The following CCDC91 variants were observed in gnomAD, a reference collection of about 807,000 sequenced individuals.
CCDC91 encodes coiled-coil domain containing 91, also known as coiled-coil domain-containing protein 91.
A neutral mutation model predicts 63.2 loss-of-function variants in CCDC91; 48 were observed. The ratio of observed to expected loss-of-function variants is 0.76; its 90% confidence interval spans 0.60 to 0.97. CCDC91 has a LOEUF of 0.97. Among genes scored for constraint, CCDC91 ranks in the 50% least tolerant of loss-of-function variants. The probability of loss-of-function intolerance (pLI) is 0.00; values close to 1 mark genes in which losing one functional copy is unlikely to be tolerated. For missense variants in CCDC91, 500 were observed against 494.6 expected (o/e 1.01, Z -0.10); for synonymous variants, 167 against 165.8 (o/e 1.01, Z -0.06).
chr12:28,271,057 T>C (rs1012576931), intron 3 of CCDC91, among the ~76,000 whole-genome samples: 1 of 152,036 alleles, frequency 6.6e-6, no homozygotes, highest in Admixed American at 6.6e-5. Flanking sequence ...CAGCATAGCG[T>C]GTAATAAAGG....
intron 12 of CCDC91, among the ~76,000 whole-genome samples, chr12:28,516,922 TGGAGG>T (rs1940013266): frequency 6.6e-6 from 1 of 151,990 alleles, no homozygotes; most frequent in Admixed American, 6.6e-5. Context: ...ACTTGACTTT[TGGAGG>T]GGATATTCAA....
At chr12:28,320,047 C>T (rs186602126) in intron 6 of CCDC91, among the ~76,000 whole-genome samples, 9 of 151,964 alleles carry the variant, frequency 5.9e-5, no homozygotes, top group Admixed American at 5.9e-4. Context: ...CTCTTTTGAT[C>T]TACGCTAATA....
intron 3 of CCDC91, among the ~76,000 whole-genome samples, chr12:28,291,223 T>A (rs1483880742): frequency 6.6e-6 from 1 of 152,230 alleles, no homozygotes; most frequent in Non-Finnish European, 1.5e-5. Context: ...TGCACCCTGC[T>A]GGTTGTGGAA....
chr12:28,424,611 A>G (rs1948203664), intron 8 of CCDC91, among the ~76,000 whole-genome samples: 1 of 152,028 alleles, frequency 6.6e-6, no homozygotes, highest in Non-Finnish European at 1.5e-5. Flanking sequence ...ATTGAAGTTC[A>G]TCTGTTTTTC....
At chr12:28,428,573 C>CAAAAAAAAAAAAA (rs1438921507) in intron 8 of CCDC91, among the ~76,000 whole-genome samples, 2 of 65,248 alleles carry the variant, frequency 3.1e-5, no homozygotes, top group Non-Finnish European at 4.8e-5. Context: ...CCGTCTCTCC[C>CAAAAAAAAAAAAA]CAAAAAAAAA....
At chr12:28,447,402 T>G (rs1940812327) in intron 8 of CCDC91, among the ~76,000 whole-genome samples, 1 of 151,938 alleles carries the variant, frequency 6.6e-6, no homozygotes, top group Non-Finnish European at 1.5e-5. Flanking sequence ...CTTTGGGTAA[T>G]GGGACACTGG....
chr12:28,283,503 T>G (rs1298785358), intron 3 of CCDC91, among the ~76,000 whole-genome samples: 4 of 151,936 alleles, frequency 2.6e-5, no homozygotes. Context: ...ATTTGATTCT[T>G]AGCTTGGTCA....
intron 3 of CCDC91, among the ~76,000 whole-genome samples, chr12:28,267,941 T>TATAATTATTATAATTATATATAATTATAC (rs1947448200): frequency 1.1e-5 from 1 of 89,928 alleles, no homozygotes; most frequent in Non-Finnish European, 2.2e-5. Context: ...TATAATTATA[T>TATAATTATTATAATTATATATAATTATAC]ATAATTATTA....
At chr12:28,438,553 G>T (rs1024933254) in intron 8 of CCDC91, among the ~76,000 whole-genome samples, 1 of 151,974 alleles carries the variant, frequency 6.6e-6, no homozygotes, top group Non-Finnish European at 1.5e-5. Context: ...TAAGATACTT[G>T]CTAAAATAAT....
chr12:28,514,461 T>G (rs1169521688), intron 12 of CCDC91, among the ~76,000 whole-genome samples: 2 of 96,008 alleles, frequency 2.1e-5, no homozygotes, highest in South Asian at 3.1e-4. Context: ...AGTTTTTTTT[T>G]TTGTTTGTTT....
At position 28,475,901 on chromosome 12, in the gene CCDC91, G is replaced by A. The variant is rs80215375; in HGVS notation, c.1102-8151G>A. ...AAGATATCTATTTAGTAATACCTAT[G>A]AATGGAGACATTATGGTTACTAGAA... On this transcript the variant is annotated intron_variant, in intron 11 of 12. Coordinates refer to ENST00000536442, the MANE Select transcript of CCDC91 (RefSeq NM_018318.5). Among the ~76,000 whole-genome samples, 1,154 of 152,060 alleles carry A rather than the reference G, an allele frequency of 7.6e-3. 17 individuals carry two copies. Among genetic ancestry groups the A allele is most frequent in the African/African-American group, 0.027 (1,119 of 41,494 alleles).
chr12:28,229,884 CTTA>C (rs1200491765), intron 1 of CCDC91, among the ~76,000 whole-genome samples: 1 of 152,104 alleles, frequency 6.6e-6, no homozygotes, highest in Non-Finnish European at 1.5e-5. Flanking sequence ...AGAGATGCTA[CTTA>C]TTATGGACCT....
At chr12:28,392,816 T>G (rs1304573672) in intron 8 of CCDC91, among the ~76,000 whole-genome samples, 2 of 152,226 alleles carry the variant, frequency 1.3e-5, no homozygotes, top group African/African-American at 4.8e-5. Context: ...GTGTGCTGTA[T>G]TCTCTCCATT....
intron 6 of CCDC91, among the ~76,000 whole-genome samples, chr12:28,338,211 A>G (rs1259317034): frequency 1.3e-5 from 2 of 151,064 alleles, no homozygotes; most frequent in Non-Finnish European, 2.9e-5. Context: ...GCAAGATTAT[A>G]TTTGAGTAGA....
intron 3 of CCDC91, among the ~76,000 whole-genome samples, chr12:28,270,153 T>G (rs989862091): frequency 6.6e-6 from 1 of 152,116 alleles, no homozygotes; most frequent in African/African-American, 2.4e-5. Flanking sequence ...TGTTAAAGGC[T>G]AGTTTTATTG....
intron 8 of CCDC91, among the ~76,000 whole-genome samples, chr12:28,432,949 CATTTCCCTGAT>C (rs1948709347): frequency 6.6e-6 from 1 of 152,044 alleles, no homozygotes; most frequent in Non-Finnish European, 1.5e-5. Flanking sequence ...TTTTAATTCA[CATTTCCCTGAT>C]ATGGGAAATG....
chr12:28,348,299 A>G (rs1420689445), intron 6 of CCDC91, among the ~76,000 whole-genome samples: 1 of 152,132 alleles, frequency 6.6e-6, no homozygotes, highest in Non-Finnish European at 1.5e-5. Context: ...TGTCTCCCTT[A>G]TTGACAAATA....
intron 12 of CCDC91, among the ~76,000 whole-genome samples, chr12:28,507,775 T>C (rs977558567): frequency 6.6e-6 from 1 of 151,900 alleles, no homozygotes; most frequent in African/African-American, 2.4e-5. Context: ...CAAAAAGGGC[T>C]CTGTGATAGA....
chr12:28,492,129 A>G (rs1317576462), intron 12 of CCDC91, among the ~76,000 whole-genome samples: 2 of 151,750 alleles, frequency 1.3e-5, no homozygotes, highest in African/African-American at 2.4e-5. Flanking sequence ...TAATCTGTCT[A>G]TATCTATATA....
Sources: gnomAD v4.1 joint callset for allele counts (sites outside exome capture counted in the v4.1 genomes callset) on GRCh38, gnomAD v4.1.1 for gene constraint, MANE v1.5 for transcripts, NCBI Gene and HGNC (gene_info 2026-07-23, HGNC 2026-07-21) for gene names.